Variants in CSNK1G1 observed in about 807,000 individuals in gnomAD.
CSNK1G1 encodes casein kinase I isoform gamma-1.
Under a neutral mutation model 59.6 loss-of-function variants are expected in CSNK1G1, and 22 were observed. That is an observed-to-expected ratio of 0.37 (90% confidence interval 0.26 to 0.53). CSNK1G1 has a LOEUF of 0.53. CSNK1G1 is among the 20% of genes least tolerant of loss of function. CSNK1G1 has a pLI of 0.89. For synonymous variants in CSNK1G1, 179 were observed against 177.1 expected, an observed-to-expected ratio of 1.01 and a Z score of -0.08; for missense variants, 384 against 519.5, an observed-to-expected ratio of 0.74 and a Z score of 2.54.
In CSNK1G1 at chr15:64,216,413, T is replaced by C; in HGVS notation, c.444+149A>G. ...AGTGTGACTTCTCTGAATTTACCCT[T>C]TTTGCCCCAGCCAGCTTCCCAGAAT... On this transcript the variant is annotated intron_variant, in intron 5 of 11. Transcript: ENST00000303052. This position sits in a 1 kb window ranked among gnomAD's most constrained non-coding sequence, Gnocchi z 4.6. 1.4e-6 allele frequency: 1 copy of C among 736,224 alleles called. No individual in the cohort carries two copies. The highest frequency in any genetic ancestry group is 2.2e-6 in the Non-Finnish European group (1 of 458,554). The allele number at this position is 736,224 out of a possible 1,614,324, so 45.6% of individuals were successfully genotyped here. A position where few individuals can be genotyped will look rare whatever the true frequency, so the allele number is the denominator to read the frequency against.
intron 4 of CSNK1G1, among the ~76,000 whole-genome samples, chr15:64,237,838 A>G (rs2082636071): frequency 6.6e-6 from 1 of 152,188 alleles, no homozygotes; most frequent in African/African-American, 2.4e-5. Context: ...GAGGGCATAT[A>G]AAACCATTCC....
At chr15:64,301,035 T>C (rs1337173627) in intron 1 of CSNK1G1, among the ~76,000 whole-genome samples, 2 of 152,208 alleles carry the variant, frequency 1.3e-5, no homozygotes, top group Non-Finnish European at 2.9e-5. Flanking sequence ...CTAACAGAAA[T>C]ACAGAGCAGT....
At chr15:64,293,153 A>G (rs1638663493) in intron 2 of CSNK1G1, among the ~76,000 whole-genome samples, 1 of 150,206 alleles carries the variant, frequency 6.7e-6, no homozygotes, top group Non-Finnish European at 1.5e-5. Context: ...GTTAGTATCA[A>G]TCTATAAAAT....
intron 10 of CSNK1G1, among the ~76,000 whole-genome samples, chr15:64,195,299 G>A (rs574284681): frequency 6.6e-6 from 1 of 152,308 alleles, no homozygotes; most frequent in Admixed American, 6.5e-5. Flanking sequence ...AATGGGATCT[G>A]TTCCTCTAAC....
chr15:64,204,986 G>A (rs1473216669), intron 7 of CSNK1G1, 37 bp from the exon 8 acceptor site: 3 of 1,206,158 alleles, frequency 2.5e-6, no homozygotes, highest in South Asian at 1.3e-5. Context: ...CTTTAAAAGA[G>A]GGCCTAAACA....
At chr15:64,304,574 C>T (rs1895563412) in intron 1 of CSNK1G1, among the ~76,000 whole-genome samples, 2 of 152,036 alleles carry the variant, frequency 1.3e-5, no homozygotes, top group African/African-American at 4.8e-5. Context: ...ATCATTTGAA[C>T]TCTACTTAAA....
chr15:64,182,103 G>A (rs2081825866), intron 10 of CSNK1G1, among the ~76,000 whole-genome samples: 1 of 108,146 alleles, frequency 9.2e-6, no homozygotes, highest in Non-Finnish European at 1.7e-5. Context: ...TTGCTCTGTT[G>A]CCCAGGCTGG....
At chr15:64,300,054 A>C (rs1299215096) in intron 2 of CSNK1G1, among the ~76,000 whole-genome samples, 1 of 152,182 alleles carries the variant, frequency 6.6e-6, no homozygotes, top group African/African-American at 2.4e-5. Context: ...TTTTACTGAT[A>C]TCTGTATGCA....
intron 1 of CSNK1G1, among the ~76,000 whole-genome samples, chr15:64,310,683 T>A (rs1895945105): frequency 6.6e-6 from 1 of 151,828 alleles, no homozygotes; most frequent in Admixed American, 6.6e-5. Context: ...TGCTACTACC[T>A]GGGTGACAGA....
At chr15:64,320,148 T>C (rs1304916503) in intron 1 of CSNK1G1, among the ~76,000 whole-genome samples, 1 of 151,934 alleles carries the variant, frequency 6.6e-6, no homozygotes, top group Non-Finnish European at 1.5e-5. Context: ...ATGCTTGGCC[T>C]CCCTAAGTGC....
At chr15:64,203,721 T>A (rs1023574951) in intron 9 of CSNK1G1, among the ~76,000 whole-genome samples, 27 of 124,764 alleles carry the variant, frequency 2.2e-4, no homozygotes, top group African/African-American at 8.8e-4. Flanking sequence ...AAAAAAAAAA[T>A]TTCCTCCACT....
intron 10 of CSNK1G1, among the ~76,000 whole-genome samples, chr15:64,187,346 C>T (rs1448229328): frequency 1.3e-5 from 2 of 151,250 alleles, no homozygotes; most frequent in Non-Finnish European, 3.0e-5. Context: ...TATGCGCCAC[C>T]GGGCCTGGCT....
chr15:64,322,740 G>C (rs1307980005), intron 1 of CSNK1G1, among the ~76,000 whole-genome samples: 1 of 152,042 alleles, frequency 6.6e-6, no homozygotes, highest in Non-Finnish European at 1.5e-5. Context: ...GGCTGAAGTG[G>C]GATGATCACT....
At chr15:64,312,130 C>G (rs1742864894) in intron 1 of CSNK1G1, among the ~76,000 whole-genome samples, 3 of 152,164 alleles carry the variant, frequency 2.0e-5, no homozygotes, top group Admixed American at 1.3e-4. Context: ...AAAAACATTC[C>G]ATGCTCATGG....
At position 64,176,846 on chromosome 15, in the gene CSNK1G1, G is replaced by C. The variant is rs1391874506; in HGVS notation, c.1214+3502C>G. Among the ~76,000 whole-genome samples the C allele has an allele frequency of 1.3e-4, 20 of 152,212 alleles. No individual in the cohort carries two copies. Among genetic ancestry groups the C allele is most frequent in the Admixed American group, 9.8e-4 (15 of 15,280 alleles). On this transcript the variant is annotated intron_variant, in intron 11 of 11. Transcript: ENST00000303052. The surrounding 1 kb of genome is among the most constrained non-coding windows in gnomAD (Gnocchi z 5.2). ...CACTTACTTTATCTTATTAGAAGAT[G>C]AATCAGAGGAAGGAGGGTCACTGCT...
At chr15:64,353,535 T>C (rs1596310932) in intron 1 of CSNK1G1, among the ~76,000 whole-genome samples, 1 of 151,096 alleles carries the variant, frequency 6.6e-6, no homozygotes, top group Non-Finnish European at 1.5e-5. Context: ...TAATCCCAGC[T>C]ACTCAGGAGG....
At chr15:64,194,102 G>C (rs907756920) in intron 10 of CSNK1G1, 3 of 152,254 alleles carry the variant, frequency 2.0e-5, no homozygotes, top group Non-Finnish European at 4.4e-5. Context: ...AATGAGGAGG[G>C]GCAGACGTCT....
chr15:64,184,646 C>T (rs903882966), intron 10 of CSNK1G1, among the ~76,000 whole-genome samples: 37 of 148,330 alleles, frequency 2.5e-4, no homozygotes, highest in African/African-American at 8.9e-4. Flanking sequence ...CACTGCACCC[C>T]AGCCTGGACA....
intron 2 of CSNK1G1, among the ~76,000 whole-genome samples, chr15:64,267,271 A>AG (rs1481536701): frequency 2.0e-5 from 3 of 151,036 alleles, no homozygotes; most frequent in African/African-American, 7.3e-5. Context: ...AAAAAAAAAA[A>AG]AAAAGAAAAG....
Sources: gnomAD v4.1 joint callset for allele counts (sites outside exome capture counted in the v4.1 genomes callset) on GRCh38, gnomAD v4.1.1 for gene constraint, Gnocchi (gnomAD v3.1) non-coding constraint, MANE v1.5 for transcripts, NCBI Gene and HGNC (gene_info 2026-07-23, HGNC 2026-07-21) for gene names.